MYRIP: variants seen among roughly 807,000 people sequenced by gnomAD.
The protein encoded by MYRIP is myosin VIIA and Rab interacting protein.
MYRIP carries 49 observed loss-of-function variants against 98.0 expected under a neutral mutation model. The ratio of observed to expected loss-of-function variants is 0.50; its 90% CI spans 0.40 to 0.63. The LOEUF is 0.63. Among genes scored for constraint, MYRIP ranks in the 30% least tolerant of loss-of-function variants. The pLI, the probability that MYRIP is intolerant of heterozygous loss-of-function variation, is 0.00. For missense variants in MYRIP, 1,004 were observed against 1,058.2 expected, an observed-to-expected ratio of 0.95 and a Z score of 0.71; for synonymous variants, 404 against 409.5, an observed-to-expected ratio of 0.99 and a Z score of 0.16.
intron 1 of MYRIP, among the ~76,000 whole-genome samples, chr3:39,831,204 GTTTA>G (rs758743931): frequency 4.0e-5 from 6 of 151,844 alleles, no homozygotes; most frequent in Non-Finnish European, 8.8e-5. Flanking sequence ...TTCTTTACCT[GTTTA>G]TTTATCTTAC....
chr3:40,055,553 G>A (rs900628928), intron 3 of MYRIP, among the ~76,000 whole-genome samples: 1 of 152,156 alleles, frequency 6.6e-6, no homozygotes, highest in African/African-American at 2.4e-5. Flanking sequence ...AAGCACCTGT[G>A]ACTCAGATGT....
intron 8 of MYRIP, among the ~76,000 whole-genome samples, chr3:40,176,750 A>C (rs752028561): frequency 2.6e-5 from 4 of 151,948 alleles, no homozygotes; most frequent in Non-Finnish European, 4.4e-5. Flanking sequence ...TCTACTAAAA[A>C]TACAAAAAAT....
intron 1 of MYRIP, among the ~76,000 whole-genome samples, chr3:39,856,175 G>A (rs1942288116): frequency 6.6e-6 from 1 of 152,132 alleles, no homozygotes; most frequent in Admixed American, 6.5e-5. Flanking sequence ...ACAGTTTTTG[G>A]CCTGTTTCAC....
chr3:40,070,428 TCAC>T (rs1014363603), intron 3 of MYRIP, among the ~76,000 whole-genome samples: 7 of 152,284 alleles, frequency 4.6e-5, no homozygotes, highest in Non-Finnish European at 7.4e-5. Context: ...TAACAATAGT[TCAC>T]CAAGTCACCT....
chr3:39,859,119 A>C (rs540070536), intron 1 of MYRIP, among the ~76,000 whole-genome samples: 3 of 151,972 alleles, frequency 2.0e-5, no homozygotes, highest in African/African-American at 4.8e-5. Context: ...TGAAAAAAAA[A>C]AAAAAATAGA....
In MYRIP at chr3:40,259,298, T is replaced by C. The variant is rs910165049; in HGVS notation, c.*1132T>C. On this transcript the variant is annotated 3_prime_UTR_variant, in exon 17 of 17. Transcript: ENST00000302541. ...TTTATAAGAGATAATGGAACTGAAC[T>C]TTCACTCAATTAATTGGGCATTAAC... 2.6e-5 allele frequency: 4 copies of C among 152,214 alleles called. No homozygotes were observed. The highest frequency in any genetic ancestry group is 2.6e-4 in the Admixed American group (4 of 15,278). 9.4% of individuals were successfully genotyped at this position (152,214 alleles called of 1,614,324 possible). A position where few individuals can be genotyped will look rare whatever the true frequency, so the allele number is the denominator to read the frequency against.
chr3:39,953,592 C>T (rs1945081818), intron 2 of MYRIP, among the ~76,000 whole-genome samples: 3 of 152,152 alleles, frequency 2.0e-5, no homozygotes, highest in African/African-American at 7.2e-5. Flanking sequence ...GGAACAGCTC[C>T]AGTCTACAGC....
chr3:40,075,425 C>G (rs909423685), intron 3 of MYRIP, among the ~76,000 whole-genome samples: 3 of 152,188 alleles, frequency 2.0e-5, no homozygotes, highest in African/African-American at 7.2e-5. Context: ...ATCCACCTGT[C>G]CTGATGGGAG....
rs181672489 is a variant in MYRIP at position 39,823,496 on chromosome 3, C to T, written c.-31+13580C>T. Among the ~76,000 whole-genome samples, 117 of 152,270 alleles carry T rather than the reference C, an allele frequency of 7.7e-4. No homozygotes were observed. The Middle Eastern group carries it at 0.01, about 13-fold the overall frequency. On this transcript the variant is annotated intron_variant, in intron 1 of 16. Coordinates refer to ENST00000302541, the MANE Select transcript of MYRIP (RefSeq NM_015460.4). ...CAGTATGTAAGTGTTTTCTTTCCTC[C>T]ACATCCTTGCCAGCATTTGTTATTT...
At chr3:39,851,678 A>G (rs58018741) in intron 1 of MYRIP, among the ~76,000 whole-genome samples, 11,590 of 152,228 alleles carry the variant, frequency 0.076, 473 homozygotes, top group African/African-American at 0.11. Flanking sequence ...ACCAGTTTTC[A>G]GCTTCTAGCC....
rs545032661 is a variant in MYRIP, at chr3:40,180,739, T to C, written c.874-1481T>C. Among the ~76,000 whole-genome samples the C allele has an allele frequency of 3.9e-5, 6 of 152,330 alleles. No homozygotes were observed. The East Asian group carries it at 1.2e-3, about 29-fold the overall frequency. ...AGGTTGTAACACTTGGTTCACAGCT[T>C]AGGGGGTTCCATATTTGTTCTGTAA... is the stretch of plus-strand genomic sequence containing the variant. On this transcript the variant is annotated intron_variant, in intron 8 of 16. Transcript: ENST00000302541.
rs1011970266 is a variant in MYRIP, at chr3:39,957,124, T to C, written c.110+56198T>C. 1.7e-4 allele frequency among the ~76,000 whole-genome samples: 26 copies of C among 151,934 alleles called. 2 individuals are homozygous for C. Among genetic ancestry groups the C allele is most frequent in the African/African-American group, 6.3e-4 (26 of 41,202 alleles). ...TACAAAGAGAAGCTGGTACCATTCC[T>C]TCTGAAACTATTCCAATCAATAGAA... On this transcript the variant is annotated intron_variant, in intron 2 of 16. Coordinates refer to ENST00000302541, the MANE Select transcript of MYRIP (RefSeq NM_015460.4).
At chr3:39,828,971 C>T (rs935448359) in intron 1 of MYRIP, among the ~76,000 whole-genome samples, 22 of 152,168 alleles carry the variant, frequency 1.4e-4, no homozygotes, top group African/African-American at 5.1e-4. Context: ...ATAAAGACTT[C>T]TTTTTCTCTG....
At chr3:40,013,571 T>C (rs749240219) in intron 2 of MYRIP, among the ~76,000 whole-genome samples, 1 of 152,210 alleles carries the variant, frequency 6.6e-6, no homozygotes, top group Non-Finnish European at 1.5e-5. Flanking sequence ...TCACCAACTA[T>C]GGGAAGTGGT....
At chr3:39,949,890 C>A (rs1665407564) in intron 2 of MYRIP, among the ~76,000 whole-genome samples, 2 of 152,130 alleles carry the variant, frequency 1.3e-5, no homozygotes, top group South Asian at 4.1e-4. Context: ...GGAAAATAGT[C>A]TCTTCCTTAG....
At chr3:40,243,594 TTAAG>T (rs1953093350) in intron 12 of MYRIP, among the ~76,000 whole-genome samples, 1 of 152,142 alleles carries the variant, frequency 6.6e-6, no homozygotes, top group Non-Finnish European at 1.5e-5. Flanking sequence ...GAACCTCTCT[TTAAG>T]TAATTACTTT....
In MYRIP at chr3:40,191,775, C is replaced by T. The variant is rs191210475; in HGVS notation, c.1665+1312C>T. ...TATGGTCTTAGAATAAAATTAAAAACTTTGGTTCAAGTGTGAATCATTATT... is the reference window on the plus strand; with the variant it reads ...TATGGTCTTAGAATAAAATTAAAAATTTTGGTTCAAGTGTGAATCATTATT... On this transcript the variant is annotated intron_variant, in intron 10 of 16. Coordinates refer to ENST00000302541, the MANE Select transcript of MYRIP (RefSeq NM_015460.4). Among the ~76,000 whole-genome samples, 29 of 152,198 alleles carry T rather than the reference C, an allele frequency of 1.9e-4. No homozygotes were observed. The Middle Eastern group carries it at 0.01, about 54-fold the overall frequency.
At chr3:40,142,047 A>ATTTTTT (rs768094065) in intron 3 of MYRIP, among the ~76,000 whole-genome samples, 4 of 95,966 alleles carry the variant, frequency 4.2e-5, no homozygotes, top group Admixed American at 1.2e-4. Context: ...TATGCTGTTG[A>ATTTTTT]TTTTTTTTTT....
intron 11 of MYRIP, among the ~76,000 whole-genome samples, chr3:40,230,912 A>T (rs1952635527): frequency 6.7e-6 from 1 of 149,128 alleles, no homozygotes. Flanking sequence ...TGCAACCTCC[A>T]CCTCCCAGGT....
Sources: allele counts gnomAD v4.1 joint callset (sites outside exome capture counted in the v4.1 genomes callset), GRCh38; gene constraint gnomAD v4.1.1; transcripts MANE v1.5; gene names NCBI Gene and HGNC (gene_info 2026-07-23, HGNC 2026-07-21).